Variants in HSD17B12 observed in about 807,000 individuals in gnomAD.
HSD17B12 encodes hydroxysteroid 17-beta dehydrogenase 12.
In HSD17B12, 32 loss-of-function variants were observed where a neutral mutation model predicts 39.3. That is an observed-to-expected ratio of 0.81 (90% CI 0.61 to 1.09). HSD17B12 has a LOEUF of 1.09. HSD17B12 is among the 50% of genes least tolerant of loss of function. HSD17B12 has a pLI of 0.00. For synonymous variants in HSD17B12, 150 were observed against 146.7 expected (o/e 1.02, Z -0.16); for missense variants, 342 against 382.9 (o/e 0.89, Z 0.89).
the HSD17B12 span, among the ~76,000 whole-genome samples, chr11:43,566,089 T>G: frequency 6.6e-6 from 1 of 152,222 alleles, no homozygotes; most frequent in African/African-American, 2.4e-5. Context: ...TTTGGACAAA[T>G]TATTTAACCT....
chr11:43,571,111 G>T, the HSD17B12 span, among the ~76,000 whole-genome samples: 2 of 152,112 alleles, frequency 1.3e-5, no homozygotes, highest in Non-Finnish European at 2.9e-5. Context: ...TAATTGCAAG[G>T]CTGCTTTAAT....
intron 3 of HSD17B12, 110 bp downstream of exon 3, chr11:43,754,231 A>G: frequency 1.4e-6 from 1 of 738,820 alleles, no homozygotes; most frequent in East Asian, 2.6e-5. Context: ...TTTCAAGGAG[A>G]GATATCATTA....
intron 1 of HSD17B12, among the ~76,000 whole-genome samples, chr11:43,683,830 T>G (rs1949773631): frequency 6.6e-6 from 1 of 152,226 alleles, no homozygotes; most frequent in Non-Finnish European, 1.5e-5. Context: ...CTTGTTATTC[T>G]TAGTCTCTTC....
chr11:43,659,840 C>T, the HSD17B12 span, among the ~76,000 whole-genome samples: 3 of 152,150 alleles, frequency 2.0e-5, no homozygotes, highest in African/African-American at 7.2e-5. Context: ...GTTTTGGCTT[C>T]TAGGTTGTTT....
intron 1 of HSD17B12, among the ~76,000 whole-genome samples, chr11:43,720,595 G>A (rs575657591): frequency 7.2e-5 from 11 of 152,260 alleles, no homozygotes; most frequent in African/African-American, 2.6e-4. Flanking sequence ...CTTCCCTTAA[G>A]CAAGTCAATC....
chr11:43,778,416 A>G (rs1313841114), intron 3 of HSD17B12, among the ~76,000 whole-genome samples: 5 of 152,300 alleles, frequency 3.3e-5, no homozygotes, highest in Admixed American at 6.5e-5. Flanking sequence ...ATAAGGAGGA[A>G]CTGGTACCAT....
the HSD17B12 span, among the ~76,000 whole-genome samples, chr11:43,651,461 A>G: frequency 6.6e-6 from 1 of 152,210 alleles, no homozygotes; most frequent in African/African-American, 2.4e-5. Flanking sequence ...GCAATCTCAT[A>G]TTTTGTTGGA....
At chr11:43,659,715 G>A in the HSD17B12 span, among the ~76,000 whole-genome samples, 1 of 152,102 alleles carries the variant, frequency 6.6e-6, no homozygotes. Context: ...ATCTGATGAA[G>A]GATTCATCTC....
chr11:43,604,820 A>G, the HSD17B12 span, among the ~76,000 whole-genome samples: 1 of 152,214 alleles, frequency 6.6e-6, no homozygotes, highest in Non-Finnish European at 1.5e-5. Context: ...TTTTTCAATC[A>G]TGTCTTAGTA....
chr11:43,792,682 C>CTTTT lies in HSD17B12; in HGVS notation c.284-5619_284-5616dup, dbSNP rs60140879. ...GAACTGAATTGTCTCTCAATGTAAC[C>CTTTT]TTTTTTTTTTTTTTTTTTTTTTGAG... On this transcript the variant is annotated intron_variant, in intron 3 of 10. Coordinates refer to ENST00000278353, the MANE Select transcript of HSD17B12 (RefSeq NM_016142.3). Among the ~76,000 whole-genome samples the CTTTT allele has an allele frequency of 6.7e-3, 679 of 101,278 alleles. 14 individuals are homozygous for CTTTT. Among genetic ancestry groups the CTTTT allele is most frequent in the Non-Finnish European group, 8.1e-3 (431 of 53,538 alleles). The allele number at this position is 101,278 out of a possible 152,430, so 66.4% of individuals were successfully genotyped here.
intron 3 of HSD17B12, chr11:43,754,912 C>G: frequency 1.3e-6 from 1 of 760,018 alleles, no homozygotes; most frequent in South Asian, 1.4e-5. Flanking sequence ...ATGGCAAAGA[C>G]TCTTAACTAA....
the HSD17B12 span, among the ~76,000 whole-genome samples, chr11:43,628,813 TA>T: frequency 6.6e-5 from 10 of 151,846 alleles, no homozygotes; most frequent in African/African-American, 2.2e-4. Context: ...ATTATTTTTA[TA>T]AAAAATAATT....
Position 43,817,022 on chromosome 11 carries a change from C to A in HSD17B12, c.501+631C>A, listed in dbSNP as rs3978756. On this transcript the variant is annotated intron_variant, in intron 6 of 10. Transcript: ENST00000278353. Reference sequence around the variant, plus strand: ...TCTATATCTATATCTATATCTATATCTATATCTATATCTATATCTATATAT... The same window carrying A: ...TCTATATCTATATCTATATCTATATATATATCTATATCTATATCTATATAT... Among the ~76,000 whole-genome samples, 143 of 20,734 alleles carry A rather than the reference C, an allele frequency of 6.9e-3. 2 individuals are homozygous for A. Among genetic ancestry groups the A allele is most frequent in the African/African-American group, 0.018 (128 of 7,192 alleles). 13.6% of individuals were successfully genotyped at this position (20,734 alleles called of 152,430 possible).
At chr11:43,642,267 A>G in the HSD17B12 span, among the ~76,000 whole-genome samples, 7 of 151,746 alleles carry the variant, frequency 4.6e-5, no homozygotes, top group Non-Finnish European at 1.0e-4. Flanking sequence ...ATTTACATCA[A>G]TATTAAGTAT....
chr11:43,759,943 TGGA>T (rs1950541945), intron 3 of HSD17B12, among the ~76,000 whole-genome samples: 1 of 151,932 alleles, frequency 6.6e-6, no homozygotes, highest in African/African-American at 2.4e-5. Flanking sequence ...TCATTCAGCC[TGGA>T]GTTCAATGGC....
intron 1 of HSD17B12, among the ~76,000 whole-genome samples, chr11:43,702,201 A>G (rs973828896): frequency 2.4e-4 from 36 of 152,260 alleles, no homozygotes; most frequent in Middle Eastern, 3.4e-3. Flanking sequence ...GAATTTGTCT[A>G]TCAGTTCTAA....
the HSD17B12 span, among the ~76,000 whole-genome samples, chr11:43,640,556 T>A: frequency 6.6e-6 from 1 of 152,112 alleles, no homozygotes; most frequent in African/African-American, 2.4e-5. Flanking sequence ...TTCTAGGGTT[T>A]AGGTTTTTTT....
the HSD17B12 span, chr11:43,559,815 G>A: frequency 6.4e-6 from 1 of 155,918 alleles, no homozygotes; most frequent in Non-Finnish European, 1.5e-5. Flanking sequence ...AATGAAGTCC[G>A]ACTTTTATCT....
intron 4 of HSD17B12, among the ~76,000 whole-genome samples, chr11:43,808,480 CT>C (rs1196883972): frequency 6.6e-6 from 1 of 152,044 alleles, no homozygotes; most frequent in Non-Finnish European, 1.5e-5. Context: ...AAAGCAGAAC[CT>C]TTTACTTAAA....
Sources: allele counts gnomAD v4.1 joint callset (sites outside exome capture counted in the v4.1 genomes callset), GRCh38; gene constraint gnomAD v4.1.1; transcripts MANE v1.5; gene names NCBI Gene and HGNC (gene_info 2026-07-23, HGNC 2026-07-21).